Variants in SAP130 observed in about 807,000 individuals in gnomAD.
The protein encoded by SAP130 is Sin3A associated protein 130.
A neutral mutation model predicts 103.2 loss-of-function variants in SAP130; 16 were observed. That is an observed-to-expected ratio of 0.16 (90% confidence interval 0.10 to 0.24). SAP130 has a LOEUF of 0.24. SAP130 is among the 10% of genes least tolerant of loss of function. The pLI is 1.00. For synonymous variants in SAP130, 477 were observed against 497.0 expected (o/e 0.96, Z 0.53); for missense variants, 990 against 1,359.7 (o/e 0.73, Z 4.28).
intron 14 of SAP130, among the ~76,000 whole-genome samples, chr2:127,979,668 G>A (rs1394440483): frequency 6.6e-6 from 1 of 152,102 alleles, no homozygotes; most frequent in Non-Finnish European, 1.5e-5. Context: ...TTGATATTAA[G>A]GGGTTATTGG....
chr2:127,944,474 G>A (rs1392025667), intron 19 of SAP130, among the ~76,000 whole-genome samples: 1 of 151,386 alleles, frequency 6.6e-6, no homozygotes. Context: ...CTTTCGCCCA[G>A]GCTTGAGTGC....
rs140450064 is a variant in SAP130 at position 127,987,744 on chromosome 2, T to C, written c.1781-782A>G. Among the ~76,000 whole-genome samples the C allele has an allele frequency of 1.5e-4, 23 of 152,260 alleles. No individual in the cohort carries two copies. The East Asian group carries it at 4.2e-3, about 28-fold the overall frequency. On this transcript the variant is annotated intron_variant, in intron 13 of 20. Transcript: ENST00000643581. ...ATGCTCCAATGTACACTTCAAGAAA[T>C]GTACTCATTCAGTTTTTGTAAAATA... is the stretch of plus-strand genomic sequence containing the variant.
chr2:128,008,056 A>G (rs186340546), intron 7 of SAP130, among the ~76,000 whole-genome samples: 62 of 152,066 alleles, frequency 4.1e-4, no homozygotes, highest in African/African-American at 1.5e-3. Context: ...CTTCCTCACC[A>G]CTCTGCCCTG....
chr2:127,968,493 A>T (rs1573688562), intron 15 of SAP130, among the ~76,000 whole-genome samples: 1 of 138,282 alleles, frequency 7.2e-6, no homozygotes, highest in Admixed American at 7.6e-5. Context: ...GCACCACCGC[A>T]CTCCAGCCTG....
At chr2:127,994,013 TACA>T (rs1683001326) in intron 11 of SAP130, among the ~76,000 whole-genome samples, 1 of 152,036 alleles carries the variant, frequency 6.6e-6, no homozygotes, top group African/African-American at 2.4e-5. Flanking sequence ...TCTAACTCAC[TACA>T]ACAACAAAAA....
At chr2:127,962,132 ACT>A in intron 15 of SAP130, among the ~76,000 whole-genome samples, 1 of 152,110 alleles carries the variant, frequency 6.6e-6, no homozygotes, top group Non-Finnish European at 1.5e-5. Context: ...AACAGTTTGC[ACT>A]CTCACCAAGA....
At chr2:127,998,653 T>C (rs1235638632) in intron 10 of SAP130, among the ~76,000 whole-genome samples, 2 of 152,240 alleles carry the variant, frequency 1.3e-5, no homozygotes, top group Non-Finnish European at 2.9e-5. Context: ...GTATGTACGT[T>C]TCCTGGTACT....
In SAP130 at chr2:127,996,575, G is replaced by A; in HGVS notation, c.1214-84C>T. On this transcript the variant is annotated intron_variant, in intron 10 of 20. Coordinates refer to ENST00000643581, the MANE Select transcript of SAP130 (RefSeq NM_001330301.2). This position sits in a 1 kb window ranked among gnomAD's most constrained non-coding sequence, Gnocchi z 4.3. Reference sequence around the variant, plus strand: ...ACATTCTTGGCTAGCAGCAATCTTAGGAAAGCAAACAATTAAAATAAGCCT... The same window carrying A: ...ACATTCTTGGCTAGCAGCAATCTTAAGAAAGCAAACAATTAAAATAAGCCT... 6.9e-5 allele frequency: 85 copies of A among 1,240,794 alleles called. No homozygotes were observed. Among genetic ancestry groups the A allele is most frequent in the South Asian group, 3.9e-4 (19 of 48,348 alleles). 76.9% of individuals were successfully genotyped at this position (1,240,794 alleles called of 1,614,324 possible). A position where few individuals can be genotyped will look rare whatever the true frequency, so the allele number is the denominator to read the frequency against.
At chr2:127,957,128 C>T (rs1679896606) in intron 15 of SAP130, among the ~76,000 whole-genome samples, 1 of 152,000 alleles carries the variant, frequency 6.6e-6, no homozygotes, top group Admixed American at 6.6e-5. Flanking sequence ...TAGTAAGACC[C>T]CATTTCTTAA....
intron 18 of SAP130, among the ~76,000 whole-genome samples, chr2:127,948,776 CAG>C (rs764472385): frequency 5.9e-5 from 9 of 152,142 alleles, no homozygotes; most frequent in Non-Finnish European, 1.3e-4. Flanking sequence ...TATATTGAAA[CAG>C]AAGATTTAGG....
chr2:127,955,932 A>G lies in SAP130; in HGVS notation c.2064-588T>C, dbSNP rs895857656. ...AGAAAATAACACTTTAAAGAACTCA[A>G]AGTCATATCGTCATAGCACAACCAA... On this transcript the variant is annotated intron_variant, in intron 15 of 20. Coordinates refer to ENST00000643581, the MANE Select transcript of SAP130 (RefSeq NM_001330301.2). The surrounding 1 kb of genome is among the most constrained non-coding windows in gnomAD (Gnocchi z 4.9). Among the ~76,000 whole-genome samples, 2 of 152,250 alleles carry G rather than the reference A, an allele frequency of 1.3e-5. No homozygotes were observed. The highest frequency in any genetic ancestry group is 6.5e-5 in the Admixed American group (1 of 15,288).
In SAP130 at chr2:128,002,328, A is replaced by G. The variant is rs143112046; in HGVS notation, c.870-1874T>C. Among the ~76,000 whole-genome samples the G allele has an allele frequency of 3.3e-4, 50 of 152,226 alleles. 1 individual carries two copies. The South Asian group carries it at 6.2e-3, about 19-fold the overall frequency. On this transcript the variant is annotated intron_variant, in intron 7 of 20. Transcript: ENST00000643581. The stretch of plus-strand genomic sequence containing the variant: ...AGGCTGAGGCAAGTGGATCAAGTTC[A>G]AGACCAGCCTGGCCAACATGGTAAA...
intron 7 of SAP130, among the ~76,000 whole-genome samples, chr2:128,007,886 T>C (rs1270469177): frequency 6.6e-6 from 1 of 152,192 alleles, no homozygotes; most frequent in Non-Finnish European, 1.5e-5. Flanking sequence ...CAGACATCTC[T>C]TCAACCACAT....
intron 15 of SAP130, among the ~76,000 whole-genome samples, chr2:127,974,515 A>G (rs1400565613): frequency 1.3e-5 from 2 of 152,308 alleles, no homozygotes; most frequent in East Asian, 3.9e-4. Context: ...CAGTGGTCCC[A>G]TAAGATTATA....
Position 127,993,384 on chromosome 2 carries a change from CCT to C in SAP130, c.1356-78_1356-77del, listed in dbSNP as rs1333769620. 4 of 1,460,810 alleles carry C rather than the reference CCT, an allele frequency of 2.7e-6. No homozygotes were observed. The African/African-American group carries it at 5.7e-5, about 21-fold the overall frequency. The allele number at this position is 1,460,810 out of a possible 1,614,324, so 90.5% of individuals were successfully genotyped here. ...TTTCAAATGATCCTATACCCCAGTT[CCT>C]CTTTGTGTCCTTCAGAACTGTCAAA... is the stretch of plus-strand genomic sequence containing the variant. On this transcript the variant is annotated intron_variant, in intron 11 of 20. Coordinates refer to ENST00000643581, the MANE Select transcript of SAP130 (RefSeq NM_001330301.2).
chr2:128,008,365 T>C (rs1684119416), intron 7 of SAP130, among the ~76,000 whole-genome samples: 1 of 151,756 alleles, frequency 6.6e-6, no homozygotes, highest in Non-Finnish European at 1.5e-5. Context: ...TACAAATCTT[T>C]CTTGCTTCTT....
chr2:127,979,419 G>A (rs567524901), intron 14 of SAP130, among the ~76,000 whole-genome samples: 2 of 152,158 alleles, frequency 1.3e-5, no homozygotes, highest in African/African-American at 4.8e-5. Context: ...GAATACATTG[G>A]GGATGCCATC....
At chr2:128,004,625 AAATGAAGCTGGC>A (rs1390048976) in intron 7 of SAP130, among the ~76,000 whole-genome samples, 1 of 152,180 alleles carries the variant, frequency 6.6e-6, no homozygotes, top group Non-Finnish European at 1.5e-5. Context: ...GTAACAGTGG[AAATGAAGCTGGC>A]AGTGAAGGAG....
intron 14 of SAP130, among the ~76,000 whole-genome samples, chr2:127,983,137 A>G (rs1682076777): frequency 6.6e-6 from 1 of 152,120 alleles, no homozygotes; most frequent in Admixed American, 6.5e-5. Context: ...GTCCTTCCAA[A>G]AGGCATACAG....
Sources: allele counts gnomAD v4.1 joint callset (sites outside exome capture counted in the v4.1 genomes callset), GRCh38; gene constraint gnomAD v4.1.1; non-coding constraint Gnocchi (gnomAD v3.1); transcripts MANE v1.5; gene names NCBI Gene and HGNC (gene_info 2026-07-23, HGNC 2026-07-21).